The following EPB41L5 variants were observed in gnomAD, a reference collection of about 807,000 sequenced individuals.
EPB41L5 encodes band 4.1-like protein 5.
Under a neutral mutation model 106.6 loss-of-function variants are expected in EPB41L5, and 55 were observed. The ratio of observed to expected loss-of-function variants is 0.52; its 90% CI spans 0.42 to 0.65. EPB41L5 has a LOEUF of 0.65. EPB41L5 is among the 30% of genes least tolerant of loss of function. EPB41L5 has a pLI of 0.00. For synonymous variants in EPB41L5, 297 were observed against 306.7 expected (o/e 0.97, Z 0.33); for missense variants, 871 against 882.1 (o/e 0.99, Z 0.16).
At chr2:120,103,307 T>C (rs1401317769) in intron 16 of EPB41L5, among the ~76,000 whole-genome samples, 2 of 152,226 alleles carry the variant, frequency 1.3e-5, no homozygotes, top group African/African-American at 4.8e-5. Flanking sequence ...GAACTGCATG[T>C]ATGCATGTTT....
chr2:120,039,080 A>G (rs1679226986), intron 2 of EPB41L5, among the ~76,000 whole-genome samples: 1 of 152,240 alleles, frequency 6.6e-6, no homozygotes, highest in Non-Finnish European at 1.5e-5. Flanking sequence ...GAGGACAAAT[A>G]TTGTTATGAT....
At chr2:120,048,130 T>G (rs1321795213) in intron 3 of EPB41L5, among the ~76,000 whole-genome samples, 2 of 151,996 alleles carry the variant, frequency 1.3e-5, no homozygotes, top group African/African-American at 4.8e-5. Flanking sequence ...CTTTTTTTGT[T>G]GTGTCTCTGC....
chr2:120,094,923 A>G (rs1178295516), intron 14 of EPB41L5, among the ~76,000 whole-genome samples: 3 of 152,192 alleles, frequency 2.0e-5, no homozygotes, highest in South Asian at 2.1e-4. Flanking sequence ...TATGATTTCA[A>G]TCCCTTTAAA....
At chr2:120,128,930 G>A (rs951769270) in intron 17 of EPB41L5, among the ~76,000 whole-genome samples, 3 of 152,014 alleles carry the variant, frequency 2.0e-5, no homozygotes, top group African/African-American at 4.8e-5. Flanking sequence ...GCCTTGCCCT[G>A]GACTCCACTT....
chr2:120,118,574 C>T (rs1685062682), intron 16 of EPB41L5, among the ~76,000 whole-genome samples: 1 of 152,064 alleles, frequency 6.6e-6, no homozygotes, highest in African/African-American at 2.4e-5. Flanking sequence ...GTGTTTGCAT[C>T]ATTCAGCTCC....
rs372629675 is a variant in EPB41L5, at chr2:120,143,025, A to C, written c.1622A>C (p.Glu541Ala). ...TAGGAGGAAGTGGTGAAGTTGACTG[A>C]GAAATGCCTTAATAATGTCATTGAG... Reference protein sequence around the residue: ...NSQEEVVKLTEKCLNNVIESP... With the variant: ...NSQEEVVKLTAKCLNNVIESP... Residue 541 changes from glutamate (E) to alanine (A), a missense_variant, in exon 19 of 25, where the codon GAG (glutamate) becomes GCG (alanine). By Grantham distance (107) the Glu-to-Ala change is moderately radical. Coordinates refer to ENST00000263713, the MANE Select transcript of EPB41L5 (RefSeq NM_020909.4). The C allele has an allele frequency of 6.6e-5, 106 of 1,612,814 alleles. No individual in the cohort carries two copies. The highest frequency in any genetic ancestry group is 8.9e-5 in the Non-Finnish European group (105 of 1,179,132).
At chr2:120,124,733 T>C (rs1230164429) in intron 16 of EPB41L5, among the ~76,000 whole-genome samples, 4 of 152,228 alleles carry the variant, frequency 2.6e-5, no homozygotes, top group African/African-American at 9.6e-5. Flanking sequence ...CAGTTCATTT[T>C]TCATGTTTCT....
chr2:120,072,186 C>T (rs751305060), intron 3 of EPB41L5, among the ~76,000 whole-genome samples: 6 of 152,084 alleles, frequency 3.9e-5, no homozygotes, highest in South Asian at 2.1e-4. Context: ...TGAAAAAAAG[C>T]GCATCATCAC....
chr2:120,123,646 CTTTTTTTTTTTTTTT>C (rs869296989), intron 16 of EPB41L5, among the ~76,000 whole-genome samples: 2 of 68,304 alleles, frequency 2.9e-5, no homozygotes, highest in African/African-American at 1.1e-4. Flanking sequence ...GTGTTCGTCC[CTTTTTTTTTTTTTTT>C]TTTTTTTTTT....
At chr2:120,104,233 A>G in intron 16 of EPB41L5, 2 of 1,535,430 alleles carry the variant, frequency 1.3e-6, no homozygotes, top group South Asian at 1.2e-5. Context: ...GCCATGACTG[A>G]GATATGAGTG....
chr2:120,087,186 A>T lies in EPB41L5; in HGVS notation c.819A>T (p.Arg273Ser). Residue 273 changes from arginine to serine, a missense_variant, in exon 11 of 25, where the codon AGA becomes AGT. Arg to Ser is a moderately radical substitution (Grantham distance 110, BLOSUM62 -1). Transcript: ENST00000263713. ...TATATTATAGGCCGAAGATAACCAGATTGGATTTTAAGAAGAATAAATTAA... is the reference window on the plus strand; with the variant it reads ...TATATTATAGGCCGAAGATAACCAGTTTGGATTTTAAGAAGAATAAATTAA... Reference protein sequence around the residue: ...IGLFFWPKITRLDFKKNKLTL... With the variant: ...IGLFFWPKITSLDFKKNKLTL... 1 of 1,586,298 alleles carries T rather than the reference A, an allele frequency of 6.3e-7. No homozygotes were observed. The highest frequency in any genetic ancestry group is 8.6e-7 in the Non-Finnish European group (1 of 1,156,428).
intron 10 of EPB41L5, among the ~76,000 whole-genome samples, chr2:120,082,655 A>T (rs1210001059): frequency 6.6e-6 from 1 of 152,084 alleles, no homozygotes. Flanking sequence ...TTTTTCTATC[A>T]GTTAGAATAG....
At chr2:120,165,238 G>A (rs1045148268) in intron 22 of EPB41L5, among the ~76,000 whole-genome samples, 55 of 152,270 alleles carry the variant, frequency 3.6e-4, no homozygotes, top group Admixed American at 9.2e-4. Context: ...AGATGAGAGC[G>A]TAAGAATGGC....
intron 16 of EPB41L5, among the ~76,000 whole-genome samples, chr2:120,113,414 G>A (rs1684809405): frequency 6.6e-6 from 1 of 152,186 alleles, no homozygotes. Flanking sequence ...AAGTGTCCAT[G>A]AAAAGTAAGG....
intron 3 of EPB41L5, among the ~76,000 whole-genome samples, chr2:120,068,847 G>A (rs902480515): frequency 1.3e-5 from 2 of 151,246 alleles, no homozygotes; most frequent in African/African-American, 4.9e-5. Context: ...GCAGGGGTTG[G>A]CCAGGCACAG....
intron 18 of EPB41L5, among the ~76,000 whole-genome samples, chr2:120,139,968 T>C (rs188127317): frequency 2.0e-5 from 3 of 152,074 alleles, no homozygotes; most frequent in Non-Finnish European, 2.9e-5. Flanking sequence ...ATATACACAA[T>C]GAAGTACTAT....
chr2:120,091,730 A>G (rs941799647), intron 13 of EPB41L5, 69 bp downstream of exon 13: 23 of 1,261,672 alleles, frequency 1.8e-5, no homozygotes, highest in Middle Eastern at 1.9e-4. Flanking sequence ...TGTTGTTTCC[A>G]TAAGAGGAAG....
intron 3 of EPB41L5, among the ~76,000 whole-genome samples, chr2:120,062,712 A>G (rs557859685): frequency 4.8e-4 from 73 of 152,238 alleles, no homozygotes; most frequent in Non-Finnish European, 9.4e-4. Context: ...AATTCATTTT[A>G]TTTGTTCAAT....
intron 16 of EPB41L5, among the ~76,000 whole-genome samples, chr2:120,124,556 G>T (rs1685374030): frequency 6.6e-6 from 1 of 152,002 alleles, no homozygotes; most frequent in Non-Finnish European, 1.5e-5. Context: ...ATGTACTTTT[G>T]CATGAATCTC....
Sources: gnomAD v4.1 joint callset for allele counts (sites outside exome capture counted in the v4.1 genomes callset) on GRCh38, gnomAD v4.1.1 for gene constraint, MANE v1.5 for transcripts, NCBI Gene and HGNC (gene_info 2026-07-23, HGNC 2026-07-21) for gene names.